The following CRACD variants were observed in gnomAD, a reference collection of about 807,000 sequenced individuals.
CRACD encodes capping protein inhibiting regulator of actin dynamics, also known as capping protein-inhibiting regulator of actin dynamics.
CRACD carries 56 observed loss-of-function variants against 106.8 expected under a neutral mutation model. The ratio of observed to expected loss-of-function variants is 0.52; its 90% confidence interval spans 0.42 to 0.66. The LOEUF (loss-of-function observed/expected upper bound fraction) is 0.66. Ranked by LOEUF, CRACD falls within the 30% of genes least tolerant of loss-of-function variation. The pLI is 0.00. For synonymous variants in CRACD, 754 were observed against 670.8 expected (o/e 1.12, Z -1.92); for missense variants, 1,730 against 1,623.2 (o/e 1.07, Z -1.13).
chr4:56,160,767 C>T lies in CRACD; in HGVS notation c.-335-18517C>T, dbSNP rs191646434. ...AATGAAATGATTTGACGTGCGTATG[C>T]GCACCTGTTACGTGATAAACTCTGA... On this transcript the variant is annotated intron_variant, in intron 1 of 10. Coordinates refer to ENST00000682029, the MANE Select transcript of CRACD (RefSeq NM_001393381.1). Among the ~76,000 whole-genome samples, 204 of 152,322 alleles carry T rather than the reference C, an allele frequency of 1.3e-3. 1 individual carries two copies. The Middle Eastern group carries it at 0.017, about 13-fold the overall frequency.
intron 1 of CRACD, among the ~76,000 whole-genome samples, chr4:56,105,620 G>A (rs188628557): frequency 1.6e-3 from 243 of 152,284 alleles, no homozygotes; most frequent in African/African-American, 5.6e-3. Context: ...AAGGTTAAGC[G>A]TTGGCTATTA....
chr4:56,242,645 GGC>G (rs1236297169), intron 2 of CRACD, among the ~76,000 whole-genome samples: 1 of 152,142 alleles, frequency 6.6e-6, no homozygotes, highest in Non-Finnish European at 1.5e-5. Flanking sequence ...AGGAGGCAGA[GGC>G]GATGGGAGGT....
chr4:56,062,451 G>A (rs953449289), intron 1 of CRACD, among the ~76,000 whole-genome samples: 8 of 152,212 alleles, frequency 5.3e-5, no homozygotes, highest in African/African-American at 1.7e-4. Flanking sequence ...TTTCCCTGGT[G>A]ATACGAAATG....
chr4:56,137,589 T>C (rs1735049208), intron 1 of CRACD, among the ~76,000 whole-genome samples: 1 of 152,238 alleles, frequency 6.6e-6, no homozygotes, highest in Admixed American at 6.5e-5. Flanking sequence ...TTTTTAAGTT[T>C]AAGTTGAGAA....
At chr4:56,164,771 A>G (rs112746926) in intron 1 of CRACD, among the ~76,000 whole-genome samples, 154 of 152,340 alleles carry the variant, frequency 1.0e-3, no homozygotes, top group African/African-American at 3.4e-3. Context: ...AGCTGTATAC[A>G]TAAGAAGGGT....
chr4:56,171,286 A>G (rs894227886), intron 1 of CRACD, among the ~76,000 whole-genome samples: 4 of 152,116 alleles, frequency 2.6e-5, no homozygotes, highest in African/African-American at 9.7e-5. Context: ...AAGAAAGACT[A>G]TGGTCATTAT....
intron 2 of CRACD, among the ~76,000 whole-genome samples, chr4:56,252,033 T>C (rs1741083818): frequency 1.3e-5 from 2 of 152,196 alleles, no homozygotes; most frequent in Non-Finnish European, 2.9e-5. Flanking sequence ...AGTGCCAACA[T>C]TATGTTATAT....
Position 56,314,875 on chromosome 4 carries a change from C to T in CRACD, c.1373C>T (p.Ala458Val). 1 of 1,611,684 alleles carries T rather than the reference C, an allele frequency of 6.2e-7. No individual in the cohort carries two copies. The highest frequency in any genetic ancestry group is 8.5e-7 in the Non-Finnish European group (1 of 1,179,416). ...ATTTGCGAGGAGCAGAACCCAGAGGCCGAGCGGCGAAGAGAGCAGCAGGGA... is the reference window on the plus strand; with the variant it reads ...ATTTGCGAGGAGCAGAACCCAGAGGTCGAGCGGCGAAGAGAGCAGCAGGGA... ...PGICEEQNPE[A>V]ERRREQQGRS... The change falls in exon 8 of 11, where the codon GCC becomes GTC. Residue 458 changes from alanine (A) to valine (V), a missense_variant. Transcript: ENST00000682029. The surrounding 1 kb of genome is among the most constrained non-coding windows in gnomAD (Gnocchi z 4.4).
At chr4:56,218,712 A>G (rs1738870182) in intron 2 of CRACD, among the ~76,000 whole-genome samples, 2 of 151,508 alleles carry the variant, frequency 1.3e-5, no homozygotes, top group African/African-American at 2.4e-5. Flanking sequence ...GCCTCAAGCA[A>G]TTCTCTCGCT....
intron 5 of CRACD, among the ~76,000 whole-genome samples, chr4:56,310,464 G>T (rs1322300723): frequency 6.6e-6 from 1 of 152,178 alleles, no homozygotes; most frequent in African/African-American, 2.4e-5. Context: ...GGAGAGGCTG[G>T]TGCACCCTCT....
intron 2 of CRACD, among the ~76,000 whole-genome samples, chr4:56,214,323 G>A (rs1301288046): frequency 2.0e-5 from 3 of 152,078 alleles, no homozygotes; most frequent in East Asian, 3.9e-4. Context: ...GGCCGGGTGC[G>A]ATGGCTTACG....
Position 56,314,892 on chromosome 4 carries a change from C to A in CRACD, c.1390C>A (p.Gln464Lys), listed in dbSNP as rs780919227. The A allele has an allele frequency of 7.5e-6, 12 of 1,610,220 alleles. 1 individual carries two copies. ...CCCAGAGGCCGAGCGGCGAAGAGAGCAGCAGGGAAGGAGCGGGGATTTCCA... is the reference window on the plus strand; with the variant it reads ...CCCAGAGGCCGAGCGGCGAAGAGAGAAGCAGGGAAGGAGCGGGGATTTCCA... ...QNPEAERRREQQGRSGDFQGA... is the reference protein window; with the variant it reads ...QNPEAERRREKQGRSGDFQGA... Residue 464 changes from glutamine (Q) to lysine (K), a missense_variant, in exon 8 of 11, where the codon CAG (glutamine) becomes AAG (lysine). By Grantham distance (53) the Gln-to-Lys change is moderately conservative. Transcript: ENST00000682029. The surrounding 1 kb of genome is among the most constrained non-coding windows in gnomAD (Gnocchi z 4.4).
In CRACD at chr4:56,196,633, A is replaced by G. The variant is rs551344344; in HGVS notation, c.-189+17203A>G. Among the ~76,000 whole-genome samples, 9 of 152,350 alleles carry G rather than the reference A, an allele frequency of 5.9e-5. No homozygotes were observed. The South Asian group carries it at 1.0e-3, about 18-fold the overall frequency. On this transcript the variant is annotated intron_variant, in intron 2 of 10. Coordinates refer to ENST00000682029, the MANE Select transcript of CRACD (RefSeq NM_001393381.1). ...TAAACAGATGCCATCCGTCCTCTGCACTAAACTCCTTTTAGGCTCTTGCTC... is the reference window on the plus strand; with the variant it reads ...TAAACAGATGCCATCCGTCCTCTGCGCTAAACTCCTTTTAGGCTCTTGCTC...
At chr4:56,197,684 ATT>A (rs542152435) in intron 2 of CRACD, among the ~76,000 whole-genome samples, 1 of 145,968 alleles carries the variant, frequency 6.9e-6, no homozygotes. Context: ...GTGCAGGGTG[ATT>A]TTTTTTTTTT....
chr4:56,288,474 T>C, intron 3 of CRACD: 1 of 155,208 alleles, frequency 6.4e-6, no homozygotes, highest in South Asian at 2.0e-4. Flanking sequence ...GAACATACGA[T>C]ATTTAGTTTT....
rs1319923845 is a variant in CRACD, at chr4:56,273,343, A to G, written c.-17+851A>G. Among the ~76,000 whole-genome samples the G allele has an allele frequency of 2.5e-5, 3 of 121,604 alleles. No individual in the cohort carries two copies. The South Asian group carries it at 7.8e-4, about 32-fold the overall frequency. The allele number at this position is 121,604 out of a possible 152,430, so 79.8% of individuals were successfully genotyped here. The stretch of plus-strand genomic sequence containing the variant: ...TTCCTTCCTTCCTTCCTCCCTCCCT[A>G]CGTCCCTCCCTCCCTCCCTCGTTTC... On this transcript the variant is annotated intron_variant, in intron 3 of 10. Coordinates refer to ENST00000682029, the MANE Select transcript of CRACD (RefSeq NM_001393381.1).
chr4:56,091,050 T>A (rs1560448092), intron 1 of CRACD, among the ~76,000 whole-genome samples: 2 of 152,028 alleles, frequency 1.3e-5, no homozygotes, highest in African/African-American at 2.4e-5. Context: ...TTTCTTTCTT[T>A]TTTATTTATT....
intron 2 of CRACD, among the ~76,000 whole-genome samples, chr4:56,232,164 C>T (rs1440497203): frequency 5.3e-5 from 8 of 152,166 alleles, no homozygotes; most frequent in Admixed American, 5.2e-4. Flanking sequence ...AATCTGCTTC[C>T]TGTCACTATA....
intron 4 of CRACD, among the ~76,000 whole-genome samples, chr4:56,303,874 C>T (rs930746347): frequency 4.6e-5 from 7 of 152,232 alleles, no homozygotes; most frequent in Admixed American, 3.9e-4. Context: ...CCCTCCTCTT[C>T]GTCACAGCCA....
Sources: gnomAD v4.1 joint callset for allele counts (sites outside exome capture counted in the v4.1 genomes callset) on GRCh38, gnomAD v4.1.1 for gene constraint, Gnocchi (gnomAD v3.1) non-coding constraint, MANE v1.5 for transcripts, NCBI Gene and HGNC (gene_info 2026-07-23, HGNC 2026-07-21) for gene names.